KCNT2: variants seen among roughly 807,000 people sequenced by gnomAD.
KCNT2 encodes the protein potassium sodium-activated channel subfamily T member 2.
KCNT2 carries 67 observed loss-of-function variants against 153.8 expected under a neutral mutation model. The ratio of observed to expected loss-of-function variants is 0.44; its 90% CI spans 0.36 to 0.53. The LOEUF is 0.53. Ranked by LOEUF, KCNT2 falls within the 20% of genes least tolerant of loss-of-function variation. The probability of loss-of-function intolerance (pLI) is 0.00; values close to 1 mark genes in which losing one functional copy is unlikely to be tolerated. For missense variants in KCNT2, 975 were observed against 1,354.8 expected, an observed-to-expected ratio of 0.72 and a Z score of 4.40; for synonymous variants, 500 against 458.8, an observed-to-expected ratio of 1.09 and a Z score of -1.15.
At chr1:196,588,484 T>C (rs1357881635) in intron 1 of KCNT2, among the ~76,000 whole-genome samples, 4 of 152,078 alleles carry the variant, frequency 2.6e-5, no homozygotes, top group Non-Finnish European at 5.9e-5. Context: ...AAACAAAGAT[T>C]TTATTAGCAA....
intron 1 of KCNT2, among the ~76,000 whole-genome samples, chr1:196,509,910 C>T (rs1482019433): frequency 6.6e-6 from 1 of 152,068 alleles, no homozygotes; most frequent in African/African-American, 2.4e-5. Context: ...ATAGGACTAT[C>T]TTGAGAAGAA....
chr1:196,432,927 G>A (rs1022384729), intron 8 of KCNT2, among the ~76,000 whole-genome samples: 1 of 152,100 alleles, frequency 6.6e-6, no homozygotes, highest in South Asian at 2.1e-4. Flanking sequence ...TGGTGTGAAT[G>A]TGTCCCCTCC....
intron 14 of KCNT2, among the ~76,000 whole-genome samples, chr1:196,350,454 C>T (rs1666569611): frequency 6.6e-6 from 1 of 152,150 alleles, no homozygotes; most frequent in Non-Finnish European, 1.5e-5. Context: ...TCTCTGATGG[C>T]CAGTGATGAT....
At chr1:196,442,450 T>G (rs1430598443) in intron 8 of KCNT2, among the ~76,000 whole-genome samples, 1 of 151,794 alleles carries the variant, frequency 6.6e-6, no homozygotes, top group Non-Finnish European at 1.5e-5. Flanking sequence ...TTGATGGAAC[T>G]TAGAGTTTAG....
chr1:196,367,857 G>C (rs1017212081), intron 14 of KCNT2, among the ~76,000 whole-genome samples: 2 of 152,270 alleles, frequency 1.3e-5, no homozygotes, highest in East Asian at 3.9e-4. Flanking sequence ...GGGACTCATG[G>C]AAAGCCTTAA....
intron 8 of KCNT2, among the ~76,000 whole-genome samples, chr1:196,446,269 C>G (rs1030364541): frequency 1.5e-4 from 22 of 151,338 alleles, no homozygotes; most frequent in Admixed American, 6.6e-5. Flanking sequence ...ATACTATTCT[C>G]TATACTTTTT....
At chr1:196,550,972 T>A (rs1232038534) in intron 1 of KCNT2, among the ~76,000 whole-genome samples, 1 of 151,884 alleles carries the variant, frequency 6.6e-6, no homozygotes, top group Non-Finnish European at 1.5e-5. Context: ...ATTTGAGATA[T>A]TTGCAGAATT....
At chr1:196,566,833 G>A (rs1474700789) in intron 1 of KCNT2, among the ~76,000 whole-genome samples, 2 of 151,954 alleles carry the variant, frequency 1.3e-5, no homozygotes, top group Non-Finnish European at 2.9e-5. Flanking sequence ...AGTATAGAAG[G>A]CATATAAATA....
chr1:196,280,414 G>T (rs1332043173), intron 25 of KCNT2, among the ~76,000 whole-genome samples: 2 of 152,196 alleles, frequency 1.3e-5, no homozygotes, highest in African/African-American at 4.8e-5. Flanking sequence ...TAGAGATTGA[G>T]AAATGTGAAT....
At chr1:196,534,575 T>A (rs1655324936) in intron 1 of KCNT2, among the ~76,000 whole-genome samples, 1 of 152,070 alleles carries the variant, frequency 6.6e-6, no homozygotes, top group Non-Finnish European at 1.5e-5. Context: ...TAGCATTAAG[T>A]GGAACAAACG....
At chr1:196,572,027 C>T (rs192624406) in intron 1 of KCNT2, among the ~76,000 whole-genome samples, 29 of 152,176 alleles carry the variant, frequency 1.9e-4, no homozygotes, top group Admixed American at 3.9e-4. Context: ...GTTCTATGTA[C>T]ACCTTTGTCC....
At chr1:196,547,213 G>T (rs1020603145) in intron 1 of KCNT2, among the ~76,000 whole-genome samples, 2 of 151,926 alleles carry the variant, frequency 1.3e-5, no homozygotes, top group East Asian at 1.9e-4. Context: ...AAAAACTCAG[G>T]ATGCTCAGGG....
rs16840262 is a variant in KCNT2, at chr1:196,608,181, T to C, written c.95+34A>G. 13,018 of 1,587,450 alleles carry C rather than the reference T, an allele frequency of 8.2e-3. 428 individuals are homozygous for C. The East Asian group carries it at 0.091, about 11-fold the overall frequency. On this transcript the variant is annotated intron_variant, in intron 1 of 27. Transcript: ENST00000294725. ...CCCATTTCCGTCTCTTTTTCAGCAA[T>C]ATTTACAGAACAATCCTCCACCACA... is the stretch of plus-strand genomic sequence containing the variant.
chr1:196,337,338 C>G (rs958532225), intron 16 of KCNT2, among the ~76,000 whole-genome samples: 2 of 152,080 alleles, frequency 1.3e-5, no homozygotes, highest in Admixed American at 6.6e-5. Context: ...CTCCTTCTTA[C>G]CACTTCCACT....
intron 5 of KCNT2, among the ~76,000 whole-genome samples, chr1:196,472,791 T>C (rs1678211024): frequency 6.6e-6 from 1 of 152,182 alleles, no homozygotes; most frequent in Admixed American, 6.5e-5. Context: ...TCTTGAGATT[T>C]TCTAGTTTTT....
At position 196,492,309 on chromosome 1, in the gene KCNT2, G is replaced by T. The variant is rs199555966; in HGVS notation, c.128C>A (p.Thr43Lys). 1.4e-6 allele frequency: 2 copies of T among 1,437,532 alleles called. No individual in the cohort carries two copies. The highest frequency in any genetic ancestry group is 4.8e-5 in the Admixed American group (2 of 41,238). The allele number at this position is 1,437,532 out of a possible 1,614,324, so 89.0% of individuals were successfully genotyped here. ...AAATAATTTTAGTCTTTCTTTAAATGTATTTTCATTCATATAGAATTCAAC... is the reference window on the plus strand; with the variant it reads ...AAATAATTTTAGTCTTTCTTTAAATTTATTTTCATTCATATAGAATTCAAC... Reference protein sequence around the residue: ...VQVEFYMNENTFKERLKLFFI... With the variant: ...VQVEFYMNENKFKERLKLFFI... The change falls in exon 2 of 28, where the codon ACA (threonine) becomes AAA (lysine). Residue 43 changes from threonine (T) to lysine (K), a missense_variant. Physicochemically the swap from Thr to Lys is moderately conservative, Grantham distance 78 (BLOSUM62 -1). Around this residue, in one of 6 missense-constraint regions of KCNT2, gnomAD observed 140 missense variants for 216.0 expected, o/e 0.65. Transcript: ENST00000294725.
chr1:196,449,573 A>C (rs947819162), intron 8 of KCNT2, among the ~76,000 whole-genome samples: 2 of 151,716 alleles, frequency 1.3e-5, no homozygotes, highest in Non-Finnish European at 3.0e-5. Context: ...GACATTGCTA[A>C]AATAAGTATC....
intron 14 of KCNT2, among the ~76,000 whole-genome samples, chr1:196,359,812 C>T (rs1217583106): frequency 2.0e-5 from 3 of 151,270 alleles, no homozygotes; most frequent in Non-Finnish European, 4.4e-5. Context: ...ATGTAGAAGG[C>T]GGAAACCACA....
At chr1:196,350,190 A>T (rs1173270757) in intron 14 of KCNT2, among the ~76,000 whole-genome samples, 1 of 152,174 alleles carries the variant, frequency 6.6e-6, no homozygotes, top group Non-Finnish European at 1.5e-5. Context: ...TCTTTATAGC[A>T]GCATGATTTA....
Sources: allele counts gnomAD v4.1 joint callset (sites outside exome capture counted in the v4.1 genomes callset), GRCh38; gene constraint gnomAD v4.1.1; regional missense constraint gnomAD v4.1.1; transcripts MANE v1.5; gene names NCBI Gene and HGNC (gene_info 2026-07-23, HGNC 2026-07-21).